Variants in OSBPL11 observed in about 807,000 individuals in gnomAD.
OSBPL11 encodes the protein oxysterol-binding protein-related protein 11.
Under a neutral mutation model 84.4 loss-of-function variants are expected in OSBPL11, and 33 were observed. The observed-to-expected ratio is 0.39, with a 90% CI of 0.30 to 0.52. The LOEUF (loss-of-function observed/expected upper bound fraction) is 0.52, where lower values mean the gene tolerates loss of function less well. Among genes scored for constraint, OSBPL11 ranks in the 20% least tolerant of loss-of-function variants. The probability of loss-of-function intolerance (pLI) is 0.72; values close to 1 mark genes in which losing one functional copy is unlikely to be tolerated. For missense variants in OSBPL11, 736 were observed against 901.1 expected, an observed-to-expected ratio of 0.82 and a Z score of 2.35; for synonymous variants, 276 against 310.2, an observed-to-expected ratio of 0.89 and a Z score of 1.16.
intron 8 of OSBPL11, among the ~76,000 whole-genome samples, chr3:125,552,925 T>A (rs1935935039): frequency 6.6e-6 from 1 of 152,142 alleles, no homozygotes; most frequent in Non-Finnish European, 1.5e-5. Flanking sequence ...CGAAACCAGC[T>A]GAGGCAACAT....
intron 8 of OSBPL11, among the ~76,000 whole-genome samples, chr3:125,553,033 A>ACTTGAG (rs68041414): frequency 0.068 from 10,311 of 152,206 alleles, 466 homozygotes; most frequent in Non-Finnish European, 0.098. Context: ...TGGGAGGATC[A>ACTTGAG]CCTGGGAGGT....
chr3:125,569,796 G>A (rs1405845019), intron 5 of OSBPL11, among the ~76,000 whole-genome samples: 1 of 152,158 alleles, frequency 6.6e-6, no homozygotes, highest in Non-Finnish European at 1.5e-5. Flanking sequence ...CACATACAGT[G>A]AACTGAAAAG....
At chr3:125,545,994 G>A (rs1392985231) in intron 10 of OSBPL11, among the ~76,000 whole-genome samples, 3 of 152,052 alleles carry the variant, frequency 2.0e-5, no homozygotes, top group Non-Finnish European at 4.4e-5. Context: ...AAGAAAAGGT[G>A]TCAAGAATAA....
chr3:125,549,315 C>T (rs577927984), intron 9 of OSBPL11, among the ~76,000 whole-genome samples: 29 of 152,294 alleles, frequency 1.9e-4, no homozygotes, highest in East Asian at 1.2e-3. Flanking sequence ...TGAGTCACCA[C>T]GCCCAGCCCC....
At chr3:125,550,123 C>G (rs1008255801) in intron 9 of OSBPL11, among the ~76,000 whole-genome samples, 2 of 151,998 alleles carry the variant, frequency 1.3e-5, no homozygotes, top group African/African-American at 4.8e-5. Flanking sequence ...ACTGTAATCC[C>G]AGAACTTTGG....
chr3:125,595,403 G>C lies in OSBPL11; in HGVS notation c.-603C>G, dbSNP rs1486019245. 2.0e-5 allele frequency among the ~76,000 whole-genome samples: 3 copies of C among 152,190 alleles called. No individual in the cohort carries two copies. The highest frequency in any genetic ancestry group is 4.4e-5 in the Non-Finnish European group (3 of 68,010). On this transcript the variant is annotated 5_prime_UTR_variant, in exon 1 of 13. Coordinates refer to ENST00000296220, the MANE Select transcript of OSBPL11 (RefSeq NM_022776.5). The stretch of plus-strand genomic sequence containing the variant: ...TCCCAGGGCCAGAGGCGAGCCACTC[G>C]GGACAACTTCCTCTTATGCCCCTGG...
At chr3:125,546,024 C>T (rs761999532) in intron 10 of OSBPL11, among the ~76,000 whole-genome samples, 8 of 151,452 alleles carry the variant, frequency 5.3e-5, no homozygotes, top group South Asian at 2.1e-4. Context: ...CTGAGCATGG[C>T]GGCTCATGCC....
Position 125,544,176 on chromosome 3 carries a change from C to T in OSBPL11, c.1841+3230G>A, listed in dbSNP as rs371992983. On this transcript the variant is annotated intron_variant, in intron 10 of 12. Transcript: ENST00000296220. ...GCTCAAGCAAGTCTCCTGCCTCAGC[C>T]TCCCAAGTAGCTGGGATTACAGGCA... is the stretch of plus-strand genomic sequence containing the variant. Among the ~76,000 whole-genome samples, 38 of 151,622 alleles carry T rather than the reference C, an allele frequency of 2.5e-4. No individual in the cohort carries two copies. The East Asian group carries it at 7.5e-3, about 30-fold the overall frequency.
At position 125,595,265 on chromosome 3, in the gene OSBPL11, G is replaced by A. The variant is rs1217580030; in HGVS notation, c.-465C>T. On this transcript the variant is annotated 5_prime_UTR_variant, in exon 1 of 13. Coordinates refer to ENST00000296220, the MANE Select transcript of OSBPL11 (RefSeq NM_022776.5). ...GCAGTGCGTCCAGTCAAGCCCGCTC[G>A]GCAGTTCCCGCCGCAGCCCCCGAGA... is the stretch of plus-strand genomic sequence containing the variant. 1.3e-5 allele frequency among the ~76,000 whole-genome samples: 2 copies of A among 152,138 alleles called. No homozygotes were observed. Among genetic ancestry groups the A allele is most frequent in the South Asian group, 2.1e-4 (1 of 4,818 alleles).
chr3:125,545,840 A>G (rs1165418037), intron 10 of OSBPL11, among the ~76,000 whole-genome samples: 1 of 152,200 alleles, frequency 6.6e-6, no homozygotes, highest in Non-Finnish European at 1.5e-5. Flanking sequence ...TAATATATTT[A>G]TAACAAATGC....
At position 125,560,524 on chromosome 3, in the gene OSBPL11, A is replaced by T. The variant is rs1936060556; in HGVS notation, c.1015-5T>A. 6.5e-7 allele frequency: 1 copy of T among 1,549,366 alleles called. No homozygotes were observed. Among genetic ancestry groups the T allele is most frequent in the African/African-American group, 1.4e-5 (1 of 73,210 alleles). On this transcript the variant is annotated splice_polypyrimidine_tract_variant and splice_region_variant and intron_variant, in intron 7 of 12. Coordinates refer to ENST00000296220, the MANE Select transcript of OSBPL11 (RefSeq NM_022776.5). ...TGCATTTATTTCTTCAGGCTCCTTG[A>T]TGGAAAACAAAGCAAAAGTCTAGTA...
chr3:125,532,904 C>T (rs1213916562), intron 11 of OSBPL11, among the ~76,000 whole-genome samples: 1 of 151,006 alleles, frequency 6.6e-6, no homozygotes, highest in Non-Finnish European at 1.5e-5. Context: ...ATGGATGAAC[C>T]TCAAAAACGT....
chr3:125,574,270 GAA>G (rs777071678), intron 5 of OSBPL11, among the ~76,000 whole-genome samples: 7 of 119,196 alleles, frequency 5.9e-5, no homozygotes, highest in East Asian at 2.4e-4. Flanking sequence ...GAACTCACAG[GAA>G]AAAAAAAAAA....
chr3:125,545,864 T>G (rs1264763094), intron 10 of OSBPL11, among the ~76,000 whole-genome samples: 1 of 152,054 alleles, frequency 6.6e-6, no homozygotes, highest in Non-Finnish European at 1.5e-5. Context: ...CAGCAGATAA[T>G]GTGTCTGTCC....
In OSBPL11 at chr3:125,584,086, C is replaced by T. The variant is rs1013226574; in HGVS notation, c.165-1108G>A. On this transcript the variant is annotated intron_variant, in intron 1 of 12. Coordinates refer to ENST00000296220, the MANE Select transcript of OSBPL11 (RefSeq NM_022776.5). ...GCTTCCCGAAAAACTTATTCTTGGC[C>T]GGGCATGGCAGCTCACGCCTGTAAT... Among the ~76,000 whole-genome samples the T allele has an allele frequency of 5.3e-5, 8 of 152,074 alleles. No individual in the cohort carries two copies. The East Asian group carries it at 5.8e-4, about 11-fold the overall frequency.
intron 7 of OSBPL11, among the ~76,000 whole-genome samples, chr3:125,561,597 G>A (rs890986680): frequency 2.0e-5 from 3 of 152,012 alleles, no homozygotes; most frequent in African/African-American, 4.8e-5. Context: ...ATTCCAAGTC[G>A]TATCATGTAC....
Position 125,552,416 on chromosome 3 carries a change from A to G in OSBPL11, c.1419T>C (p.Phe473=). ...MPKSEVASSV[F]SSSSTQGVTN... ...TGACTCCCTGGGTGGAAGAACTGCT[A>G]AAAACACTGGATGCTACCTCGCTTT... is the stretch of plus-strand genomic sequence containing the variant. Residue 473 remains phenylalanine, a synonymous_variant, in exon 9 of 13, where the codon TTT becomes TTC. Coordinates refer to ENST00000296220, the MANE Select transcript of OSBPL11 (RefSeq NM_022776.5). The G allele has an allele frequency of 6.2e-7, 1 of 1,614,188 alleles. No homozygotes were observed. The highest frequency in any genetic ancestry group is 8.5e-7 in the Non-Finnish European group (1 of 1,180,034).
intron 2 of OSBPL11, among the ~76,000 whole-genome samples, chr3:125,580,320 G>A (rs555251403): frequency 3.3e-5 from 5 of 152,156 alleles, no homozygotes; most frequent in Non-Finnish European, 5.9e-5. Context: ...TTCGAGATCA[G>A]CCTGGCCAAC....
chr3:125,552,443 T>C lies in OSBPL11; in HGVS notation c.1392A>G (p.Pro464=). 2.5e-6 allele frequency: 4 copies of C among 1,614,214 alleles called. No individual in the cohort carries two copies. Among genetic ancestry groups the C allele is most frequent in the Non-Finnish European group, 3.4e-6 (4 of 1,180,038 alleles). Residue 464 remains proline, a synonymous_variant, in exon 9 of 13, where the codon CCA becomes CCG. Coordinates refer to ENST00000296220, the MANE Select transcript of OSBPL11 (RefSeq NM_022776.5). ...AAACACTGGATGCTACCTCGCTTTT[T>C]GGCATCTTCCAGGAACAGTGAAATG... ...GETFHCSWKM[P]KSEVASSVFS... is the part of the protein sequence containing the mutation.
Sources: gnomAD v4.1 joint callset for allele counts (sites outside exome capture counted in the v4.1 genomes callset) on GRCh38, gnomAD v4.1.1 for gene constraint, MANE v1.5 for transcripts, NCBI Gene and HGNC (gene_info 2026-07-23, HGNC 2026-07-21) for gene names.